XPO4: variants seen among roughly 807,000 people sequenced by gnomAD.
The protein encoded by XPO4 is exportin-4.
In XPO4, 39 loss-of-function variants were observed where a neutral mutation model predicts 143.0. That is an observed-to-expected ratio of 0.27 (90% CI 0.21 to 0.36). The LOEUF (loss-of-function observed/expected upper bound fraction) is 0.36. Ranked by LOEUF, XPO4 falls within the 10% of genes least tolerant of loss-of-function variation. The pLI is 1.00. For synonymous variants in XPO4, 439 were observed against 474.0 expected (o/e 0.93, Z 0.96); for missense variants, 907 against 1,348.0 (o/e 0.67, Z 5.12).
At chr13:20,875,438 C>T (rs576498943) in intron 1 of XPO4, among the ~76,000 whole-genome samples, 1 of 152,252 alleles carries the variant, frequency 6.6e-6, no homozygotes, top group Admixed American at 6.5e-5. Flanking sequence ...GATGTCCTTT[C>T]AAAAAGAGTC....
In XPO4 at chr13:20,848,851, G is replaced by A. The variant is rs1159164384; in HGVS notation, c.457-4965C>T. 4 of 985,080 alleles carry A rather than the reference G, an allele frequency of 4.1e-6. No homozygotes were observed. The African/African-American group carries it at 7.0e-5, about 17-fold the overall frequency. The allele number at this position is 985,080 out of a possible 1,614,324, so 61.0% of individuals were successfully genotyped here. ...ATATGTCAAACAAGTAGAAGACAAT[G>A]CAATGAGGTGTCAAAGTTATAAAAA... On this transcript the variant is annotated intron_variant, in intron 4 of 22. Transcript: ENST00000255305.
At chr13:20,877,644 A>C (rs867649903) in intron 1 of XPO4, among the ~76,000 whole-genome samples, 1 of 152,224 alleles carries the variant, frequency 6.6e-6, no homozygotes, top group Non-Finnish European at 1.5e-5. Context: ...ATCTATCTCC[A>C]TACTTTTTAT....
At chr13:20,869,353 C>T in intron 1 of XPO4, 1 of 226,296 alleles carries the variant, frequency 4.4e-6, no homozygotes, top group Non-Finnish European at 7.4e-6. Context: ...AACAATCGTT[C>T]TTCTAAAGAT....
At chr13:20,789,767 C>T (rs1429382082) in intron 19 of XPO4, among the ~76,000 whole-genome samples, 10 of 151,990 alleles carry the variant, frequency 6.6e-5, no homozygotes, top group East Asian at 1.9e-4. Context: ...TGTGTGCACA[C>T]GCATGCATGC....
intron 1 of XPO4, 146 bp downstream of exon 1, chr13:20,902,524 C>T (rs1343338742): frequency 4.5e-6 from 6 of 1,329,268 alleles, no homozygotes; most frequent in Admixed American, 7.7e-5. Flanking sequence ...AAGAATCCTG[C>T]GCCACGCCAC....
intron 7 of XPO4, 83 bp from the exon 8 acceptor site, chr13:20,822,372 C>T (rs73167445): frequency 0.12 from 146,773 of 1,184,838 alleles, 9,949 homozygotes; most frequent in Non-Finnish European, 0.14. Flanking sequence ...TGAGGTAAGA[C>T]AAAAATTCAC....
At chr13:20,894,907 G>A (rs912964744) in intron 1 of XPO4, among the ~76,000 whole-genome samples, 1 of 151,454 alleles carries the variant, frequency 6.6e-6, no homozygotes, top group Non-Finnish European at 1.5e-5. Context: ...GCTGGGTGTG[G>A]TATCTCACGC....
At chr13:20,806,446 T>G (rs1201547412) in intron 13 of XPO4, among the ~76,000 whole-genome samples, 1 of 151,470 alleles carries the variant, frequency 6.6e-6, no homozygotes, top group Non-Finnish European at 1.5e-5. Context: ...AATGTTAATA[T>G]CATTACTGAC....
chr13:20,868,539 A>G, intron 2 of XPO4, 57 bp downstream of exon 2: 1 of 1,571,862 alleles, frequency 6.4e-7, no homozygotes, highest in Non-Finnish European at 8.6e-7. Flanking sequence ...TGTTTAAGAC[A>G]GCAAACCCAG....
chr13:20,808,384 G>C (rs1424259668), intron 12 of XPO4, 52 bp downstream of exon 12: 1 of 1,464,564 alleles, frequency 6.8e-7, no homozygotes, highest in East Asian at 2.3e-5. Flanking sequence ...TTCTTTTAAG[G>C]CTTAAATTGC....
intron 13 of XPO4, among the ~76,000 whole-genome samples, chr13:20,801,878 C>G (rs759278176): frequency 1.3e-5 from 2 of 152,108 alleles, no homozygotes; most frequent in Non-Finnish European, 2.9e-5. Flanking sequence ...CAGTTCTTTA[C>G]CCCACTGGAT....
intron 2 of XPO4, among the ~76,000 whole-genome samples, chr13:20,864,897 TA>T (rs2060231930): frequency 6.6e-6 from 1 of 151,930 alleles, no homozygotes; most frequent in Non-Finnish European, 1.5e-5. Flanking sequence ...GCCAAATTCC[TA>T]ATTTAAAAGA....
chr13:20,845,087 G>A (rs983732808), intron 4 of XPO4, among the ~76,000 whole-genome samples: 3 of 152,216 alleles, frequency 2.0e-5, no homozygotes, highest in African/African-American at 7.2e-5. Flanking sequence ...GCAGGAGAAC[G>A]CTTGAACCTG....
intron 1 of XPO4, among the ~76,000 whole-genome samples, chr13:20,882,217 T>A (rs1257873560): frequency 6.6e-6 from 1 of 151,720 alleles, no homozygotes; most frequent in Admixed American, 6.6e-5. Flanking sequence ...AGCATGATAG[T>A]CCCTTCACAT....
chr13:20,811,374 G>A (rs556439027), intron 9 of XPO4, among the ~76,000 whole-genome samples: 4 of 149,568 alleles, frequency 2.7e-5, no homozygotes, highest in Non-Finnish European at 4.4e-5. Context: ...TACAGCGTCC[G>A]CTTCCTGGGT....
intron 1 of XPO4, among the ~76,000 whole-genome samples, chr13:20,893,739 C>CCTGG (rs1555343866): frequency 3.7e-5 from 4 of 107,902 alleles, no homozygotes; most frequent in Non-Finnish European, 8.4e-5. Context: ...CCACTGCACT[C>CCTGG]CTGGCTGACA....
intron 1 of XPO4, among the ~76,000 whole-genome samples, chr13:20,893,105 G>C (rs1452113118): frequency 6.6e-6 from 1 of 152,128 alleles, no homozygotes; most frequent in East Asian, 1.9e-4. Context: ...AAAAAAGCTA[G>C]TGTGGCTGAT....
chr13:20,811,103 C>T (rs927153234), intron 9 of XPO4, among the ~76,000 whole-genome samples: 5 of 152,006 alleles, frequency 3.3e-5, no homozygotes, highest in South Asian at 2.1e-4. Context: ...GCATTTATAT[C>T]GCAGAGAGAG....
At position 20,893,895 on chromosome 13, in the gene XPO4, G is replaced by A. The variant is rs142784677; in HGVS notation, c.69+8775C>T. Among the ~76,000 whole-genome samples, 815 of 152,260 alleles carry A rather than the reference G, an allele frequency of 5.4e-3. 2 individuals are homozygous for A. The highest frequency in any genetic ancestry group is 9.0e-3 in the Admixed American group (138 of 15,290). ...GTTCGCTCTTGTTGCCCAGGCTGGA[G>A]TGCAATGGCATGATCTTGGCTCACT... On this transcript the variant is annotated intron_variant, in intron 1 of 22. Coordinates refer to ENST00000255305, the MANE Select transcript of XPO4 (RefSeq NM_022459.5).
Sources: allele counts gnomAD v4.1 joint callset (sites outside exome capture counted in the v4.1 genomes callset), GRCh38; gene constraint gnomAD v4.1.1; transcripts MANE v1.5; gene names NCBI Gene and HGNC (gene_info 2026-07-23, HGNC 2026-07-21).